The following LSG1 variants were observed in gnomAD, a reference collection of about 807,000 sequenced individuals.
LSG1 encodes the protein large subunit GTPase 1 homolog.
Under a neutral mutation model 82.6 loss-of-function variants are expected in LSG1, and 55 were observed. The observed-to-expected ratio is 0.67, with a 90% confidence interval of 0.54 to 0.83. LSG1 has a LOEUF of 0.83. LSG1 is among the 40% of genes least tolerant of loss of function. The probability of loss-of-function intolerance (pLI) is 0.00; values close to 1 mark genes in which losing one functional copy is unlikely to be tolerated. For missense variants in LSG1, 809 were observed against 807.9 expected (o/e 1.00, Z -0.02); for synonymous variants, 272 against 282.5 (o/e 0.96, Z 0.37).
intron 2 of LSG1, among the ~76,000 whole-genome samples, chr3:194,667,777 G>T (rs926950395): frequency 6.6e-6 from 1 of 150,966 alleles, no homozygotes; most frequent in African/African-American, 2.4e-5. Flanking sequence ...ACAAAAATTA[G>T]CCAGGGGTGG....
In LSG1 at chr3:194,646,219, T is replaced by C. The variant is rs201824584; in HGVS notation, c.1568A>G (p.His523Arg). The C allele has an allele frequency of 1.8e-4, 296 of 1,614,110 alleles. 1 individual carries two copies. The South Asian group carries it at 2.8e-3, about 15-fold the overall frequency. The change falls in exon 12 of 14, where the codon CAT becomes CGT. Residue 523 changes from histidine (H) to arginine (R), a missense_variant. Physicochemically the swap from His to Arg is conservative, Grantham distance 29 (BLOSUM62 0). Coordinates refer to ENST00000265245, the MANE Select transcript of LSG1 (RefSeq NM_018385.3). Reference sequence around the variant, plus strand: ...AGATCGAGGCTGGTCTGGCTGTCCATGCGCTGTCATGAATCCTCGCATGTC... The same window carrying C: ...AGATCGAGGCTGGTCTGGCTGTCCACGCGCTGTCATGAATCCTCGCATGTC... ...YGYMRGFMTA[H>R]GQPDQPRSAR...
At chr3:194,667,942 A>AAAAAAAAAAAAAAAAAAATAT (rs1416407494) in intron 2 of LSG1, among the ~76,000 whole-genome samples, 4 of 86,962 alleles carry the variant, frequency 4.6e-5, no homozygotes, top group African/African-American at 9.7e-5. Context: ...AAAAAAAAAA[A>AAAAAAAAAAAAAAAAAAATAT]ATATATATAT....
chr3:194,660,113 A>G lies in LSG1; in HGVS notation c.542T>C (p.Val181Ala), dbSNP rs778051609. 1.9e-6 allele frequency: 3 copies of G among 1,614,106 alleles called. No individual in the cohort carries two copies. The highest frequency in any genetic ancestry group is 3.3e-5 in the Admixed American group (2 of 60,030). The change falls in exon 6 of 14, where the codon GTA becomes GCA. Residue 181 changes from valine (V) to alanine (A), a missense_variant. Physicochemically the swap from Val to Ala is moderately conservative, Grantham distance 64 (BLOSUM62 0). Coordinates refer to ENST00000265245, the MANE Select transcript of LSG1 (RefSeq NM_018385.3). Reference sequence around the variant, plus strand: ...AAACAGGAGTGGGTTTCGAGCATCTACTATCTGGACCACAATATCACTGAA... The same window carrying G: ...AAACAGGAGTGGGTTTCGAGCATCTGCTATCTGGACCACAATATCACTGAA... ...IERSDIVVQI[V>A]DARNPLLFRC...
chr3:194,669,367 C>G (rs1164103788), intron 2 of LSG1, among the ~76,000 whole-genome samples: 1 of 152,014 alleles, frequency 6.6e-6, no homozygotes, highest in Non-Finnish European at 1.5e-5. Flanking sequence ...ACCCACACAT[C>G]CCCCCAAAAA....
At chr3:194,651,991 C>T (rs1479855334) in intron 8 of LSG1, among the ~76,000 whole-genome samples, 1 of 152,016 alleles carries the variant, frequency 6.6e-6, no homozygotes, top group Non-Finnish European at 1.5e-5. Flanking sequence ...GGGGTTGGGG[C>T]AGAGAGAAGG....
chr3:194,645,583 C>CACACACAGAGACAG (rs1718528850), intron 12 of LSG1, among the ~76,000 whole-genome samples: 1 of 68,326 alleles, frequency 1.5e-5, no homozygotes, highest in Non-Finnish European at 3.2e-5. Context: ...CAGACACACA[C>CACACACAGAGACAG]ACACACACAC....
chr3:194,644,380 ATAAAAATAAAT>A lies in LSG1; in HGVS notation c.1797+182_1797+192del, dbSNP rs1418380846. Among the ~76,000 whole-genome samples the A allele has an allele frequency of 1.1e-4, 12 of 109,154 alleles. 1 individual carries two copies. In the South Asian group the frequency reaches 1.5e-3, roughly 14 times the overall value. 71.6% of individuals were successfully genotyped at this position (109,154 alleles called of 152,430 possible). ...CGAGACTCCGTCTCAAAAAAAAAAAATAAAAATAAATAAATAAATAAATAAATAAATAAATA... is the reference window on the plus strand; with the variant it reads ...CGAGACTCCGTCTCAAAAAAAAAAAAAAATAAATAAATAAATAAATAAATA... On this transcript the variant is annotated intron_variant, in intron 13 of 13. Transcript: ENST00000265245.
intron 7 of LSG1, among the ~76,000 whole-genome samples, chr3:194,655,048 T>C (rs754430666): frequency 6.6e-6 from 1 of 152,218 alleles, no homozygotes; most frequent in African/African-American, 2.4e-5. Context: ...AGTATCAAGT[T>C]ACAAGTAAGA....
intron 13 of LSG1, among the ~76,000 whole-genome samples, chr3:194,643,216 A>T (rs1348733215): frequency 6.6e-6 from 1 of 152,228 alleles, no homozygotes; most frequent in Non-Finnish European, 1.5e-5. Flanking sequence ...AAGCAACTGA[A>T]GTTATCAATA....
At chr3:194,652,413 T>G (rs947545149) in intron 8 of LSG1, among the ~76,000 whole-genome samples, 1 of 152,248 alleles carries the variant, frequency 6.6e-6, no homozygotes, top group Non-Finnish European at 1.5e-5. Context: ...GGCTGAAGTC[T>G]GAAGACAACA....
chr3:194,665,580 C>T lies in LSG1; in HGVS notation c.498G>A (p.Gln166=). The stretch of plus-strand genomic sequence containing the variant: ...ACCTTCTCTCAATGACTCTCCAGAG[C>T]TGGCGCCAAAAGTCCAAATTTCGTT... ...PFERNLDFWR[Q]LWRVIERSDI... Residue 166 remains glutamine, a synonymous_variant, in exon 5 of 14, where the codon CAG becomes CAA. Coordinates refer to ENST00000265245, the MANE Select transcript of LSG1 (RefSeq NM_018385.3). 6.2e-7 allele frequency: 1 copy of T among 1,613,250 alleles called. No individual in the cohort carries two copies. The highest frequency in any genetic ancestry group is 8.5e-7 in the Non-Finnish European group (1 of 1,179,624).
Position 194,641,931 on chromosome 3 carries a change from G to T in LSG1, c.*137C>A. ...GGCCCTTGGTCTTGACATGGAGACT[G>T]TTGGGTGCAGCCGTGCTCTGCAAGA... On this transcript the variant is annotated 3_prime_UTR_variant, in exon 14 of 14. Coordinates refer to ENST00000265245, the MANE Select transcript of LSG1 (RefSeq NM_018385.3). 1 of 889,700 alleles carries T rather than the reference G, an allele frequency of 1.1e-6. No homozygotes were observed. Among genetic ancestry groups the T allele is most frequent in the Non-Finnish European group, 1.7e-6 (1 of 587,010 alleles). 55.1% of individuals were successfully genotyped at this position (889,700 alleles called of 1,614,324 possible).
intron 12 of LSG1, among the ~76,000 whole-genome samples, chr3:194,645,595 C>CACACACAGACAGACAG (rs1560219933): frequency 1.7e-5 from 2 of 114,914 alleles, no homozygotes; most frequent in African/African-American, 7.0e-5. Context: ...CACACACACA[C>CACACACAGACAGACAG]ACACACACAC....
intron 12 of LSG1, among the ~76,000 whole-genome samples, chr3:194,645,660 A>G (rs1037051653): frequency 2.2e-4 from 34 of 151,928 alleles, no homozygotes; most frequent in Non-Finnish European, 1.9e-4. Flanking sequence ...CTCATGAGAT[A>G]GGCCCTGTTC....
chr3:194,653,174 A>G (rs765865168), intron 7 of LSG1, 32 bp from the exon 8 acceptor site: 4 of 1,585,240 alleles, frequency 2.5e-6, no homozygotes, highest in Non-Finnish European at 1.7e-6. Flanking sequence ...TCAGAAGTAT[A>G]TAACTGCAGT....
At chr3:194,645,098 C>T (rs1260628470) in intron 12 of LSG1, 7 of 164,290 alleles carry the variant, frequency 4.3e-5, no homozygotes, top group East Asian at 3.4e-4. Context: ...ACGGTAATGC[C>T]GGGTTAGACT....
Position 194,641,707 on chromosome 3 carries a change from T to G in LSG1, c.*361A>C, listed in dbSNP as rs764205254. 1.7e-4 allele frequency: 28 copies of G among 162,592 alleles called. No individual in the cohort carries two copies. The South Asian group carries it at 2.0e-3, about 12-fold the overall frequency. The allele number at this position is 162,592 out of a possible 1,614,324, so 10.1% of individuals were successfully genotyped here. ...CCATTCACTGCAAACTCTGCCTCCC[T>G]GGTTCAAGTGATTCTCCTGCCTCAG... On this transcript the variant is annotated 3_prime_UTR_variant, in exon 14 of 14. Transcript: ENST00000265245.
intron 13 of LSG1, 149 bp from the exon 14 acceptor site, chr3:194,642,396 T>A (rs1306174735): frequency 9.1e-6 from 5 of 551,440 alleles, no homozygotes; most frequent in Non-Finnish European, 1.5e-5. Context: ...GTCCTCTTTC[T>A]CCCCCCAGCA....
chr3:194,656,146 C>G (rs1261842002), intron 7 of LSG1, among the ~76,000 whole-genome samples: 2 of 151,832 alleles, frequency 1.3e-5, no homozygotes, highest in Non-Finnish European at 2.9e-5. Flanking sequence ...CCAAAATTGA[C>G]AAATGGGATC....
Sources: gnomAD v4.1 joint callset for allele counts (sites outside exome capture counted in the v4.1 genomes callset) on GRCh38, gnomAD v4.1.1 for gene constraint, MANE v1.5 for transcripts, NCBI Gene and HGNC (gene_info 2026-07-23, HGNC 2026-07-21) for gene names.